SCN10A: variants seen among roughly 807,000 people sequenced by gnomAD.
The protein encoded by SCN10A is sodium voltage-gated channel alpha subunit 10, also known as sodium channel protein type 10 subunit alpha.
SCN10A carries 162 observed loss-of-function variants against 170.7 expected under a neutral mutation model. The observed-to-expected ratio is 0.95, with a 90% CI of 0.84 to 1.08. The LOEUF (loss-of-function observed/expected upper bound fraction) is 1.08, where lower values mean the gene tolerates loss of function less well. Ranked by LOEUF, SCN10A falls within the 50% of genes least tolerant of loss-of-function variation. The pLI, the probability that SCN10A is intolerant of heterozygous loss-of-function variation, is 0.00. For synonymous variants in SCN10A, 985 were observed against 904.6 expected (o/e 1.09, Z -1.59); for missense variants, 2,527 against 2,436.9 (o/e 1.04, Z -0.78).
chr3:38,761,126 C>G, intron 7 of SCN10A, 66 bp downstream of exon 7: 1 of 1,318,558 alleles, frequency 7.6e-7, no homozygotes, highest in Non-Finnish European at 1.1e-6. Flanking sequence ...GCTCCATATC[C>G]CCTGTCCCTA....
chr3:38,715,911 G>A (rs2063329657), intron 21 of SCN10A, among the ~76,000 whole-genome samples: 1 of 152,122 alleles, frequency 6.6e-6, no homozygotes, highest in Non-Finnish European at 1.5e-5. Flanking sequence ...ATAGTTAGAT[G>A]TATAGCAAAT....
In SCN10A at chr3:38,757,114, C is replaced by G; in HGVS notation, c.996G>C (p.Pro332=). 1.2e-6 allele frequency: 2 copies of G among 1,613,334 alleles called. No individual in the cohort carries two copies. The highest frequency in any genetic ancestry group is 1.7e-6 in the Non-Finnish European group (2 of 1,179,642). Reference sequence around the variant, plus strand: ...AATCAAAGCTGGTGTAGTTAAAATCCGGGTTGTCAGAAGTTTTAAGGCAGA... The same window carrying G: ...AATCAAAGCTGGTGTAGTTAAAATCGGGGTTGTCAGAAGTTTTAAGGCAGA... ...GYICLKTSDN[P]DFNYTSFDSF... Residue 332 remains proline, a synonymous_variant, in exon 9 of 28, where the codon CCG becomes CCC. Coordinates refer to ENST00000449082, the MANE Select transcript of SCN10A (RefSeq NM_006514.4).
intron 26 of SCN10A, among the ~76,000 whole-genome samples, chr3:38,703,456 C>T (rs1165742866): frequency 6.6e-6 from 1 of 152,198 alleles, no homozygotes; most frequent in Non-Finnish European, 1.5e-5. Context: ...GAGTTGTGTA[C>T]AATCAGTGTC....
intron 5 of SCN10A, among the ~76,000 whole-genome samples, chr3:38,770,718 C>A (rs1193312035): frequency 6.6e-6 from 1 of 152,078 alleles, no homozygotes; most frequent in African/African-American, 2.4e-5. Flanking sequence ...GGATTCTGCT[C>A]AAGAAAATTT....
intron 4 of SCN10A, among the ~76,000 whole-genome samples, chr3:38,784,147 A>G (rs1001737850): frequency 6.6e-6 from 1 of 152,058 alleles, no homozygotes; most frequent in African/African-American, 2.4e-5. Flanking sequence ...GAACATTCTT[A>G]ATTATAGTAT....
intron 1 of SCN10A, among the ~76,000 whole-genome samples, chr3:38,802,677 A>G (rs148826125): frequency 6.6e-6 from 1 of 152,348 alleles, no homozygotes; most frequent in African/African-American, 2.4e-5. Context: ...TAAATGTTAG[A>G]CCTAAAACCA....
chr3:38,720,647 G>T (rs917789920), intron 20 of SCN10A, among the ~76,000 whole-genome samples: 1 of 152,022 alleles, frequency 6.6e-6, no homozygotes, highest in Non-Finnish European at 1.5e-5. Flanking sequence ...GCAGGGGGCG[G>T]GCTGGGCTGG....
At chr3:38,807,775 C>G (rs2064414835) in intron 1 of SCN10A, among the ~76,000 whole-genome samples, 1 of 151,948 alleles carries the variant, frequency 6.6e-6, no homozygotes, top group African/African-American at 2.4e-5. Flanking sequence ...TTTTATATTC[C>G]CTATTTAGTT....
At chr3:38,754,566 T>C (rs1397939883) in intron 11 of SCN10A, among the ~76,000 whole-genome samples, 2 of 152,214 alleles carry the variant, frequency 1.3e-5, no homozygotes, top group Non-Finnish European at 2.9e-5. Flanking sequence ...CAATTCAGTG[T>C]CATTGACATT....
At position 38,697,487 on chromosome 3, in the gene SCN10A, A is replaced by G. The variant is rs774010599; in HGVS notation, c.5733T>C (p.Thr1911=). 1.2e-6 allele frequency: 2 copies of G among 1,614,206 alleles called. No individual in the cohort carries two copies. Among genetic ancestry groups the G allele is most frequent in the Non-Finnish European group, 1.7e-6 (2 of 1,180,030 alleles). The part of the protein sequence containing the change: ...ENCVLPDKSE[T]ASATSFPPSY... ...ACGGTGGGAATGATGTGGCAGAAGCAGTTTCAGATTTGTCTGGGAGTACAC... is the reference window on the plus strand; with the variant it reads ...ACGGTGGGAATGATGTGGCAGAAGCGGTTTCAGATTTGTCTGGGAGTACAC... The change falls in exon 28 of 28, where the codon ACT becomes ACC. Residue 1911 remains threonine (T), a synonymous_variant. Coordinates refer to ENST00000449082, the MANE Select transcript of SCN10A (RefSeq NM_006514.4).
intron 1 of SCN10A, among the ~76,000 whole-genome samples, chr3:38,801,713 C>T (rs2064372389): frequency 1.3e-5 from 2 of 152,150 alleles, no homozygotes; most frequent in Non-Finnish European, 2.9e-5. Context: ...TAGCATTTGA[C>T]TCTGTATAGT....
intron 11 of SCN10A, among the ~76,000 whole-genome samples, chr3:38,753,941 C>T (rs1388094198): frequency 6.6e-6 from 1 of 152,206 alleles, no homozygotes; most frequent in Non-Finnish European, 1.5e-5. Context: ...ATATATTCCT[C>T]TATTTAATTT....
chr3:38,750,474 T>C (rs1002723559), intron 12 of SCN10A, among the ~76,000 whole-genome samples: 4 of 152,212 alleles, frequency 2.6e-5, no homozygotes, highest in African/African-American at 9.6e-5. Flanking sequence ...ATACTGTAAG[T>C]ATAAACAGTT....
chr3:38,748,562 C>A (rs770791590), intron 13 of SCN10A, among the ~76,000 whole-genome samples: 1 of 152,098 alleles, frequency 6.6e-6, no homozygotes, highest in Non-Finnish European at 1.5e-5. Flanking sequence ...CATTGCTAAG[C>A]GTATTTTGCC....
intron 13 of SCN10A, among the ~76,000 whole-genome samples, chr3:38,747,297 G>A (rs1026098610): frequency 2.0e-5 from 3 of 152,008 alleles, no homozygotes; most frequent in African/African-American, 4.8e-5. Context: ...CATCACTCCC[G>A]CCGCCAACCA....
intron 21 of SCN10A, among the ~76,000 whole-genome samples, chr3:38,718,403 A>G (rs1421430897): frequency 6.6e-6 from 1 of 152,208 alleles, no homozygotes; most frequent in Non-Finnish European, 1.5e-5. Flanking sequence ...AATGCAGAGG[A>G]TTGCAGGGAT....
At chr3:38,746,178 C>T (rs2063688711) in intron 13 of SCN10A, among the ~76,000 whole-genome samples, 1 of 148,122 alleles carries the variant, frequency 6.8e-6, no homozygotes, top group South Asian at 2.2e-4. Flanking sequence ...CTAGATGCTC[C>T]AAGGGCACCT....
chr3:38,755,040 G>A (rs1459423904), intron 11 of SCN10A, among the ~76,000 whole-genome samples: 1 of 151,964 alleles, frequency 6.6e-6, no homozygotes, highest in Non-Finnish European at 1.5e-5. Context: ...ATTTTAGAGT[G>A]GGAGGCAGAA....
chr3:38,735,457 G>A (rs943071091), intron 15 of SCN10A, among the ~76,000 whole-genome samples: 2 of 152,210 alleles, frequency 1.3e-5, no homozygotes, highest in African/African-American at 2.4e-5. Flanking sequence ...TATCTTCATA[G>A]ATCAGAAGAC....
Sources: gnomAD v4.1 joint callset for allele counts (sites outside exome capture counted in the v4.1 genomes callset) on GRCh38, gnomAD v4.1.1 for gene constraint, MANE v1.5 for transcripts, NCBI Gene and HGNC (gene_info 2026-07-23, HGNC 2026-07-21) for gene names.